The following GABRB3 variants were observed in gnomAD, a reference collection of about 807,000 sequenced individuals.
GABRB3 encodes the protein gamma-aminobutyric acid receptor subunit beta-3.
Under a neutral mutation model 52.1 loss-of-function variants are expected in GABRB3, and 14 were observed. That is an observed-to-expected ratio of 0.27 (90% confidence interval 0.18 to 0.42). GABRB3 has a LOEUF of 0.42. Ranked by LOEUF, GABRB3 falls within the 10% of genes least tolerant of loss-of-function variation. GABRB3 has a pLI of 1.00. For missense variants in GABRB3, 307 were observed against 609.1 expected (o/e 0.50, Z 5.22); for synonymous variants, 260 against 232.3 (o/e 1.12, Z -1.08).
chr15:26,683,414 G>A (rs1888300339), intron 3 of GABRB3, among the ~76,000 whole-genome samples: 1 of 151,950 alleles, frequency 6.6e-6, no homozygotes, highest in African/African-American at 2.4e-5. Context: ...GTGGGGTGGG[G>A]AATGAGGGCT....
chr15:26,665,944 C>T (rs1192246100), intron 3 of GABRB3, among the ~76,000 whole-genome samples: 9 of 152,206 alleles, frequency 5.9e-5, no homozygotes, highest in Non-Finnish European at 1.3e-4. Context: ...TGGTAAGCCA[C>T]TGAGACAAGT....
intron 4 of GABRB3, among the ~76,000 whole-genome samples, chr15:26,601,153 G>C (rs549817726): frequency 2.0e-5 from 3 of 152,282 alleles, no homozygotes; most frequent in African/African-American, 7.2e-5. Flanking sequence ...GCCAGGTGCA[G>C]TGGCTCACAA....
At chr15:26,599,252 A>G (rs1891500429) in intron 4 of GABRB3, among the ~76,000 whole-genome samples, 1 of 152,184 alleles carries the variant, frequency 6.6e-6, no homozygotes, top group African/African-American at 2.4e-5. Context: ...ATCTTTGCAC[A>G]TTCCAGAGAT....
intron 8 of GABRB3, among the ~76,000 whole-genome samples, chr15:26,551,218 CTT>C (rs1889449657): frequency 6.6e-6 from 1 of 152,110 alleles, no homozygotes; most frequent in South Asian, 2.1e-4. Flanking sequence ...CAATTTAACT[CTT>C]TAGGAAACAG....
At chr15:26,604,053 A>T (rs1317317088) in intron 4 of GABRB3, among the ~76,000 whole-genome samples, 1 of 152,156 alleles carries the variant, frequency 6.6e-6, no homozygotes, top group Non-Finnish European at 1.5e-5. Context: ...CTATTTGTTT[A>T]CTGCTAAATT....
intron 3 of GABRB3, 27 bp downstream of exon 3, chr15:26,772,375 G>A (rs370136185): frequency 1.3e-6 from 2 of 1,594,404 alleles, no homozygotes; most frequent in Non-Finnish European, 1.7e-6. Flanking sequence ...GGGGCTCAGG[G>A]ACCGCCCTGG....
At position 26,772,468 on chromosome 15, in the gene GABRB3, A is replaced by G. The variant is rs749519657; in HGVS notation, c.174T>C (p.Gly58=). 1 of 1,610,144 alleles carries G rather than the reference A, an allele frequency of 6.2e-7. No individual in the cohort carries two copies. Among genetic ancestry groups the G allele is most frequent in the African/African-American group, 1.3e-5 (1 of 74,914 alleles). Residue 58 remains glycine (G), a splice_region_variant and synonymous_variant, in exon 3 of 9, where the codon GGT becomes GGC. Coordinates refer to ENST00000311550, the MANE Select transcript of GABRB3 (RefSeq NM_000814.6). ...YDIRLRPDFG[G]PPVCVGMNID... is the part of the protein sequence containing the mutation. ...TGTTCATCCCCACGCAGACCGGGGG[A>G]CCTGCGGGAAGCACAGGACACGGCG... is the stretch of plus-strand genomic sequence containing the variant.
rs138900757 is a variant in GABRB3 at position 26,668,566 on chromosome 15, C to G, written c.241-47032G>C. 5.2e-3 allele frequency among the ~76,000 whole-genome samples: 792 copies of G among 152,206 alleles called. 5 individuals carry two copies. Among genetic ancestry groups the G allele is most frequent in the Non-Finnish European group, 7.9e-3 (536 of 68,014 alleles). On this transcript the variant is annotated intron_variant, in intron 3 of 8. Transcript: ENST00000311550. ...TTTTCTGTCAATTGGCCTGTCAGCT[C>G]TTGCTAAGAGCATGTAGTCCCTAAA...
chr15:26,563,791 T>A (rs1890070453), intron 7 of GABRB3, among the ~76,000 whole-genome samples: 1 of 152,210 alleles, frequency 6.6e-6, no homozygotes, highest in Admixed American at 6.5e-5. Flanking sequence ...GTGGCTTTCG[T>A]GTTTTTTTGT....
chr15:26,629,297 G>T, intron 3 of GABRB3: 1 of 850,014 alleles, frequency 1.2e-6, no homozygotes, highest in Non-Finnish European at 1.7e-6. Context: ...GGCGTGGCCC[G>T]TAGCGGAAAA....
chr15:26,653,412 A>G (rs1287801840), intron 3 of GABRB3, among the ~76,000 whole-genome samples: 1 of 152,320 alleles, frequency 6.6e-6, no homozygotes, highest in Non-Finnish European at 1.5e-5. Context: ...CCAGTTCAGC[A>G]ATCCCACCCA....
At chr15:26,751,626 CATT>C (rs968164345) in intron 3 of GABRB3, among the ~76,000 whole-genome samples, 2 of 151,874 alleles carry the variant, frequency 1.3e-5, no homozygotes, top group Middle Eastern at 3.2e-3. Context: ...ATGTCTAACT[CATT>C]AGTATTTTTG....
chr15:26,756,471 G>A (rs1197107782), intron 3 of GABRB3, among the ~76,000 whole-genome samples: 4 of 151,818 alleles, frequency 2.6e-5, no homozygotes, highest in African/African-American at 7.3e-5. Context: ...CCAGTGACTC[G>A]GGAGCCTGAG....
At chr15:26,569,899 T>C (rs1332187565) in intron 6 of GABRB3, among the ~76,000 whole-genome samples, 2 of 152,262 alleles carry the variant, frequency 1.3e-5, no homozygotes, top group East Asian at 3.8e-4. Context: ...TTGTTCTCTA[T>C]ATTTAATCTT....
chr15:26,593,017 A>G (rs2140762152), intron 4 of GABRB3, among the ~76,000 whole-genome samples: 1 of 152,306 alleles, frequency 6.6e-6, no homozygotes, highest in Admixed American at 6.5e-5. Context: ...TCCCGTCAAA[A>G]AAGAAAAAAC....
In GABRB3 at chr15:26,621,626, C is replaced by T; in HGVS notation, c.241-92G>A. The T allele has an allele frequency of 2.1e-6, 2 of 962,698 alleles. No homozygotes were observed. The highest frequency in any genetic ancestry group is 1.4e-5 in the South Asian group (1 of 72,186). The allele number at this position is 962,698 out of a possible 1,614,324, so 59.6% of individuals were successfully genotyped here. ...AGCCAAATTCAGGTTGCAATCTAGG[C>T]TCTACAGTGAATAACCAGGAGAAAC... On this transcript the variant is annotated intron_variant, in intron 3 of 8. Coordinates refer to ENST00000311550, the MANE Select transcript of GABRB3 (RefSeq NM_000814.6). This position sits in a 1 kb window ranked among gnomAD's most constrained non-coding sequence, Gnocchi z 4.1.
At chr15:26,681,729 A>C (rs1409206824) in intron 3 of GABRB3, among the ~76,000 whole-genome samples, 1 of 152,196 alleles carries the variant, frequency 6.6e-6, no homozygotes, top group Non-Finnish European at 1.5e-5. Context: ...CAGAAGGCCA[A>C]GGTGGGTGAA....
chr15:26,737,670 T>A (rs1312869491), intron 3 of GABRB3, among the ~76,000 whole-genome samples: 1 of 152,040 alleles, frequency 6.6e-6, no homozygotes, highest in Non-Finnish European at 1.5e-5. Flanking sequence ...GGGGTTAAAA[T>A]AAAATCAACT....
intron 3 of GABRB3, among the ~76,000 whole-genome samples, chr15:26,738,573 A>G (rs754050198): frequency 6.6e-6 from 1 of 152,188 alleles, no homozygotes; most frequent in Non-Finnish European, 1.5e-5. Context: ...GAATACTCTC[A>G]CACACTGAGA....
Sources: gnomAD v4.1 joint callset for allele counts (sites outside exome capture counted in the v4.1 genomes callset) on GRCh38, gnomAD v4.1.1 for gene constraint, Gnocchi (gnomAD v3.1) non-coding constraint, MANE v1.5 for transcripts, NCBI Gene and HGNC (gene_info 2026-07-23, HGNC 2026-07-21) for gene names.